Variants in TNFRSF10D observed in about 807,000 individuals in gnomAD.
TNFRSF10D encodes the protein TNF receptor superfamily member 10d.
Under a neutral mutation model 42.1 loss-of-function variants are expected in TNFRSF10D, and 28 were observed. The ratio of observed to expected loss-of-function variants is 0.66; its 90% CI spans 0.49 to 0.91. TNFRSF10D has a LOEUF of 0.91. Among genes scored for constraint, TNFRSF10D ranks in the 40% least tolerant of loss-of-function variants. The pLI is 0.00. For synonymous variants in TNFRSF10D, 186 were observed against 189.4 expected (o/e 0.98, Z 0.15); for missense variants, 503 against 486.1 (o/e 1.03, Z -0.33).
At chr8:23,143,345 G>A (rs567154849) in intron 7 of TNFRSF10D, among the ~76,000 whole-genome samples, 131 of 150,022 alleles carry the variant, frequency 8.7e-4, no homozygotes, top group African/African-American at 3.0e-3. Flanking sequence ...AATGTGCAGC[G>A]CGGCCAGGTG....
In TNFRSF10D at chr8:23,135,886, G is replaced by A; in HGVS notation, c.*1984C>T. The A allele has an allele frequency of 4.4e-6, 2 of 452,230 alleles. No homozygotes were observed. Among genetic ancestry groups the A allele is most frequent in the Admixed American group, 2.4e-5 (1 of 42,492 alleles). 28.0% of individuals were successfully genotyped at this position (452,230 alleles called of 1,614,324 possible). A position where few individuals can be genotyped will look rare whatever the true frequency, so the allele number is the denominator to read the frequency against. ...TGAGACCAAGTCTCCTGCACAGAAG[G>A]CCCAGCAAAGGCAAAGACTAGGAGG... On this transcript the variant is annotated 3_prime_UTR_variant, in exon 9 of 9. Coordinates refer to ENST00000312584, the MANE Select transcript of TNFRSF10D (RefSeq NM_003840.5).
chr8:23,157,540 T>G (rs1361821416), intron 1 of TNFRSF10D, among the ~76,000 whole-genome samples: 1 of 152,218 alleles, frequency 6.6e-6, no homozygotes, highest in Non-Finnish European at 1.5e-5. Flanking sequence ...ACTCCTGCTC[T>G]TTAAATGTCA....
intron 1 of TNFRSF10D, among the ~76,000 whole-genome samples, chr8:23,155,914 G>A (rs946912993): frequency 2.0e-5 from 3 of 151,890 alleles, no homozygotes; most frequent in Non-Finnish European, 4.4e-5. Context: ...AGAAAGTCAG[G>A]ATATAGCATC....
chr8:23,163,089 C>CTTTTTT (rs59385093), intron 1 of TNFRSF10D, among the ~76,000 whole-genome samples: 1 of 57,200 alleles, frequency 1.7e-5, no homozygotes, highest in Non-Finnish European at 3.0e-5. Flanking sequence ...GCCTGGCTAA[C>CTTTTTT]TTTTTTTTTT....
chr8:23,148,678 G>T, intron 2 of TNFRSF10D, 127 bp from the exon 3 acceptor site: 2 of 605,622 alleles, frequency 3.3e-6, no homozygotes, highest in South Asian at 1.9e-5. Context: ...TCTTGGCTTG[G>T]TCTTGTCATC....
chr8:23,149,990 G>A (rs114325069), intron 2 of TNFRSF10D, among the ~76,000 whole-genome samples: 938 of 152,196 alleles, frequency 6.2e-3, no homozygotes, highest in African/African-American at 0.019. Flanking sequence ...CATCCAACAT[G>A]TCCCTATGGA....
chr8:23,148,064 CCCA>C (rs1563357938), intron 3 of TNFRSF10D, among the ~76,000 whole-genome samples: 2 of 49,210 alleles, frequency 4.1e-5, no homozygotes, highest in African/African-American at 1.0e-4. Flanking sequence ...GACTCCGTCT[CCCA>C]AAAAAAAAAA....
At chr8:23,152,494 G>A (rs553642690) in intron 2 of TNFRSF10D, among the ~76,000 whole-genome samples, 29 of 152,330 alleles carry the variant, frequency 1.9e-4, no homozygotes, top group Non-Finnish European at 4.0e-4. Flanking sequence ...TGTGGGATGT[G>A]TTGGGTTTGG....
At position 23,148,458 on chromosome 8, in the gene TNFRSF10D, A is replaced by G. The variant is rs375229957; in HGVS notation, c.350T>C (p.Leu117Pro). The change falls in exon 3 of 9, where the codon CTA (leucine) becomes CCA (proline). Residue 117 changes from leucine (L) to proline (P), a missense_variant. Coordinates refer to ENST00000312584, the MANE Select transcript of TNFRSF10D (RefSeq NM_003840.5). The part of the protein sequence containing the change: ...IASNNLPSCL[L>P]CTVCKSGQTN... ...TGTACCTGATTTACAAACTGTACATAGCAGGCAAGAAGGCAAATTGTTGGA... is the reference window on the plus strand; with the variant it reads ...TGTACCTGATTTACAAACTGTACATGGCAGGCAAGAAGGCAAATTGTTGGA... The G allele has an allele frequency of 8.1e-6, 13 of 1,609,412 alleles. 1 individual carries two copies. Among genetic ancestry groups the G allele is most frequent in the Middle Eastern group, 1.7e-4 (1 of 6,046 alleles).
chr8:23,157,522 G>C (rs1397525746), intron 1 of TNFRSF10D, among the ~76,000 whole-genome samples: 1 of 152,180 alleles, frequency 6.6e-6, no homozygotes, highest in Admixed American at 6.5e-5. Context: ...GTGTTCAGTG[G>C]ATGTTCCACT....
chr8:23,138,275 G>T lies in TNFRSF10D; in HGVS notation c.955-15C>A. ...TCTGCCTGTTCCTGTAACACACAGT[G>T]GGGAATGCTCTGGTCAGAGTCAGGA... is the stretch of plus-strand genomic sequence containing the variant. On this transcript the variant is annotated splice_polypyrimidine_tract_variant and intron_variant, in intron 7 of 8. Coordinates refer to ENST00000312584, the MANE Select transcript of TNFRSF10D (RefSeq NM_003840.5). 6.2e-7 allele frequency: 1 copy of T among 1,614,170 alleles called. No individual in the cohort carries two copies. The highest frequency in any genetic ancestry group is 8.5e-7 in the Non-Finnish European group (1 of 1,180,014).
Position 23,143,570 on chromosome 8 carries a change from G to A in TNFRSF10D, c.954+880C>T, listed in dbSNP as rs189588253. Among the ~76,000 whole-genome samples, 144 of 152,066 alleles carry A rather than the reference G, an allele frequency of 9.5e-4. 2 individuals carry two copies. The highest frequency in any genetic ancestry group is 6.6e-3 in the Admixed American group (101 of 15,276). On this transcript the variant is annotated intron_variant, in intron 7 of 8. Coordinates refer to ENST00000312584, the MANE Select transcript of TNFRSF10D (RefSeq NM_003840.5). ...TATACTTCCCTTCATTAAAAAAAATGGGGTATAGTTATAGGAAAGGAAGAA... is the reference window on the plus strand; with the variant it reads ...TATACTTCCCTTCATTAAAAAAAATAGGGTATAGTTATAGGAAAGGAAGAA...
At chr8:23,155,404 A>G (rs115417926) in intron 1 of TNFRSF10D, among the ~76,000 whole-genome samples, 335 of 151,002 alleles carry the variant, frequency 2.2e-3, no homozygotes, top group African/African-American at 7.2e-3. Context: ...ACACCACTGT[A>G]GTTGGCAAGA....
intron 2 of TNFRSF10D, among the ~76,000 whole-genome samples, chr8:23,150,682 T>C (rs901733341): frequency 2.0e-5 from 3 of 151,990 alleles, no homozygotes; most frequent in Non-Finnish European, 4.4e-5. Context: ...ATGAACAAAA[T>C]GAGTAGTTTA....
chr8:23,163,420 C>CGAAT, intron 1 of TNFRSF10D, among the ~76,000 whole-genome samples: 1 of 108,270 alleles, frequency 9.2e-6, no homozygotes, highest in African/African-American at 3.4e-5. Flanking sequence ...ACGTTATGAA[C>CGAAT]GAACGAACGA....
chr8:23,136,048 C>T lies in TNFRSF10D; in HGVS notation c.*1822G>A, dbSNP rs576149732. On this transcript the variant is annotated 3_prime_UTR_variant, in exon 9 of 9. Transcript: ENST00000312584. Reference sequence around the variant, plus strand: ...CCATGGACACAACAATCTGAATGTGCGAACTTCAGGCAGTTCTAACTTTGT... The same window carrying T: ...CCATGGACACAACAATCTGAATGTGTGAACTTCAGGCAGTTCTAACTTTGT... 1,674 of 396,074 alleles carry T rather than the reference C, an allele frequency of 4.2e-3. No homozygotes were observed. The highest frequency in any genetic ancestry group is 0.02 in the African/African-American group (954 of 48,626). The allele number at this position is 396,074 out of a possible 1,614,324, so 24.5% of individuals were successfully genotyped here.
In TNFRSF10D at chr8:23,144,425, AGG is replaced by A. The variant is rs763799577; in HGVS notation, c.954+23_954+24del. ...GTCCTGTGCAGGCTGCACGCCAGGCAGGGCACAGTCCCTCCTCAACTCACCAG... is the reference window on the plus strand; with the variant it reads ...GTCCTGTGCAGGCTGCACGCCAGGCAGCACAGTCCCTCCTCAACTCACCAG... On this transcript the variant is annotated intron_variant, in intron 7 of 8. Coordinates refer to ENST00000312584, the MANE Select transcript of TNFRSF10D (RefSeq NM_003840.5). 5 of 1,607,562 alleles carry A rather than the reference AGG, an allele frequency of 3.1e-6. No homozygotes were observed. The African/African-American group carries it at 6.7e-5, about 21-fold the overall frequency.
In TNFRSF10D at chr8:23,145,774, A is replaced by G. The variant is rs1035208560; in HGVS notation, c.630T>C (p.Tyr210=). 12 of 1,614,116 alleles carry G rather than the reference A, an allele frequency of 7.4e-6. No homozygotes were observed. Among genetic ancestry groups the G allele is most frequent in the African/African-American group, 1.3e-5 (1 of 74,938 alleles). Residue 210 remains tyrosine, a synonymous_variant, in exon 5 of 9, where the codon TAT becomes TAC. Transcript: ENST00000312584. ...AAACCACTATGATGATAAGGTAGTG[A>G]TAGGGAGAGGCAAGCATCCCCAGGA... The part of the protein sequence containing the change: ...TTILGMLASP[Y]HYLIIIVVLV...
intron 1 of TNFRSF10D, among the ~76,000 whole-genome samples, chr8:23,162,823 C>G (rs1563364993): frequency 6.6e-6 from 1 of 152,188 alleles, no homozygotes; most frequent in Non-Finnish European, 1.5e-5. Flanking sequence ...ATGAAAGTTA[C>G]AAAAAACAGC....
Sources: gnomAD v4.1 joint callset for allele counts (sites outside exome capture counted in the v4.1 genomes callset) on GRCh38, gnomAD v4.1.1 for gene constraint, MANE v1.5 for transcripts, NCBI Gene and HGNC (gene_info 2026-07-23, HGNC 2026-07-21) for gene names.